Variants in CTNNA1 observed in about 807,000 individuals in gnomAD.
CTNNA1 encodes the protein catenin alpha-1.
A neutral mutation model predicts 98.4 loss-of-function variants in CTNNA1; 37 were observed. That is an observed-to-expected ratio of 0.38 (90% CI 0.29 to 0.49). CTNNA1 has a LOEUF of 0.49. Ranked by LOEUF, CTNNA1 falls within the 20% of genes least tolerant of loss-of-function variation. The pLI, the probability that CTNNA1 is intolerant of heterozygous loss-of-function variation, is 0.95. For missense variants in CTNNA1, 761 were observed against 1,147.2 expected (o/e 0.66, Z 4.86); for synonymous variants, 404 against 413.2 (o/e 0.98, Z 0.27).
At chr5:138,760,058 G>T (rs1172192238) in intron 1 of CTNNA1, among the ~76,000 whole-genome samples, 1 of 133,510 alleles carries the variant, frequency 7.5e-6, no homozygotes, top group Non-Finnish European at 1.5e-5. Context: ...GCAATGGCGC[G>T]ATCTTGGCTC....
At chr5:138,776,271 A>G (rs1486764149) in intron 1 of CTNNA1, among the ~76,000 whole-genome samples, 1 of 151,916 alleles carries the variant, frequency 6.6e-6, no homozygotes, top group Non-Finnish European at 1.5e-5. Context: ...GCCTTCAAGC[A>G]TCTGTTCAAC....
rs181631301 is a variant in CTNNA1 at position 138,823,172 on chromosome 5, G to A, written c.589-1358G>A. 1.7e-3 allele frequency among the ~76,000 whole-genome samples: 265 copies of A among 152,272 alleles called. 1 individual carries two copies. Among genetic ancestry groups the A allele is most frequent in the Non-Finnish European group, 2.8e-3 (190 of 68,008 alleles). On this transcript the variant is annotated intron_variant, in intron 5 of 17. Coordinates refer to ENST00000302763, the MANE Select transcript of CTNNA1 (RefSeq NM_001903.5). ...GTGGTGGTGATCCATTTTTACTAAAGCCTTTTTTTCCCTTCTGAGTATTGT... is the reference window on the plus strand; with the variant it reads ...GTGGTGGTGATCCATTTTTACTAAAACCTTTTTTTCCCTTCTGAGTATTGT...
chr5:138,906,741 A>G (rs1759339331), intron 10 of CTNNA1, among the ~76,000 whole-genome samples: 1 of 152,204 alleles, frequency 6.6e-6, no homozygotes, highest in Non-Finnish European at 1.5e-5. Flanking sequence ...GACAGTGCCC[A>G]GACCACACTT....
chr5:138,788,473 A>G (rs774643274), intron 3 of CTNNA1, among the ~76,000 whole-genome samples: 9 of 152,214 alleles, frequency 5.9e-5, no homozygotes, highest in South Asian at 2.1e-4. Context: ...CATTTAAAGT[A>G]TACAATGCAG....
intron 1 of CTNNA1, among the ~76,000 whole-genome samples, chr5:138,774,909 T>C (rs1580926771): frequency 6.6e-6 from 1 of 152,224 alleles, no homozygotes; most frequent in South Asian, 2.1e-4. Context: ...GCGCCCGTCC[T>C]GTGCCACCTT....
At position 138,925,279 on chromosome 5, in the gene CTNNA1, G is replaced by A. The variant is rs540697892; in HGVS notation, c.1771G>A (p.Val591Ile). 6 of 1,614,078 alleles carry A rather than the reference G, an allele frequency of 3.7e-6. No homozygotes were observed. The South Asian group carries it at 6.6e-5, about 18-fold the overall frequency. Residue 591 changes from valine (V) to isoleucine (I), a missense_variant, in exon 13 of 18, where the codon GTA becomes ATA. Around this residue, in one of 6 missense-constraint regions of CTNNA1, gnomAD observed 287 missense variants for 436.0 expected, o/e 0.66. Transcript: ENST00000302763. ...AGTCATGCCACGTTTTACTGAGCAA[G>A]TAGAAGCAGCCGTGGAAGCCCTCAG... Reference protein sequence around the residue: ...NTVMPRFTEQVEAAVEALSSD... With the variant: ...NTVMPRFTEQIEAAVEALSSD...
chr5:138,908,638 C>T (rs1278167683), intron 10 of CTNNA1, among the ~76,000 whole-genome samples: 1 of 152,036 alleles, frequency 6.6e-6, no homozygotes, highest in Non-Finnish European at 1.5e-5. Context: ...GCACTCCAGC[C>T]TGGGCGACAG....
At chr5:138,878,362 TA>T (rs1752125637) in intron 7 of CTNNA1, among the ~76,000 whole-genome samples, 1 of 152,244 alleles carries the variant, frequency 6.6e-6, no homozygotes, top group Non-Finnish European at 1.5e-5. Context: ...TTTCTTTAGC[TA>T]AAAGGGCTAC....
At chr5:138,863,289 G>T (rs1253301166) in intron 7 of CTNNA1, among the ~76,000 whole-genome samples, 2 of 152,018 alleles carry the variant, frequency 1.3e-5, no homozygotes, top group Non-Finnish European at 2.9e-5. Context: ...AGGCTGGAGG[G>T]TAGTGGTGTG....
chr5:138,848,484 C>T (rs1035932363), intron 7 of CTNNA1, among the ~76,000 whole-genome samples: 4 of 152,166 alleles, frequency 2.6e-5, no homozygotes, highest in Admixed American at 2.6e-4. Flanking sequence ...GCTTAGTTCT[C>T]TCTCTGCTCC....
At chr5:138,770,317 T>A (rs969088869) in intron 1 of CTNNA1, among the ~76,000 whole-genome samples, 3 of 152,176 alleles carry the variant, frequency 2.0e-5, no homozygotes, top group African/African-American at 7.2e-5. Flanking sequence ...ACTTCCTCTG[T>A]ATCCATTATC....
intron 3 of CTNNA1, among the ~76,000 whole-genome samples, chr5:138,793,885 A>C (rs1430379049): frequency 6.6e-6 from 1 of 152,116 alleles, no homozygotes; most frequent in Non-Finnish European, 1.5e-5. Flanking sequence ...GAAATTTCAA[A>C]GCTTCTTTCC....
At chr5:138,904,554 C>A in intron 10 of CTNNA1, 113 bp downstream of exon 10, 2 of 1,348,978 alleles carry the variant, frequency 1.5e-6, no homozygotes, top group South Asian at 1.5e-5. Flanking sequence ...AGATGGAAGT[C>A]TTGGGGACAG....
intron 10 of CTNNA1, among the ~76,000 whole-genome samples, chr5:138,911,484 T>A (rs570907833): frequency 6.6e-6 from 1 of 151,978 alleles, no homozygotes; most frequent in Admixed American, 6.5e-5. Flanking sequence ...ATCATAAGTG[T>A]CCTTATATGA....
In CTNNA1 at chr5:138,872,910, T is replaced by C. The variant is rs887031316; in HGVS notation, c.1063-13302T>C. 4.9e-6 allele frequency: 4 copies of C among 809,606 alleles called. No individual in the cohort carries two copies. The Admixed American group carries it at 8.4e-5, about 17-fold the overall frequency. The allele number at this position is 809,606 out of a possible 1,614,324, so 50.2% of individuals were successfully genotyped here. A position where few individuals can be genotyped will look rare whatever the true frequency, so the allele number is the denominator to read the frequency against. ...TAAGTCTCCACTTAGTTTGGAAAAT[T>C]AGGCTTAATGTCACCATTGGTAAAA... On this transcript the variant is annotated intron_variant, in intron 7 of 17. Transcript: ENST00000302763.
chr5:138,785,686 AAGT>A (rs1479747712), intron 3 of CTNNA1, among the ~76,000 whole-genome samples: 1 of 152,062 alleles, frequency 6.6e-6, no homozygotes, highest in African/African-American at 2.4e-5. Context: ...TCAGCTTCCC[AAGT>A]AGCTGGGATT....
At chr5:138,880,478 A>T (rs763949299) in intron 7 of CTNNA1, among the ~76,000 whole-genome samples, 13 of 152,194 alleles carry the variant, frequency 8.5e-5, no homozygotes, top group Non-Finnish European at 1.6e-4. Context: ...TGAAATGTTT[A>T]TGGCAACCTC....
intron 11 of CTNNA1, among the ~76,000 whole-genome samples, chr5:138,918,826 G>A (rs1762329162): frequency 3.3e-5 from 5 of 152,148 alleles, no homozygotes. Flanking sequence ...GTTTTTGTAG[G>A]GCTGAAACTA....
chr5:138,774,628 CTTTT>C (rs1219039290), intron 1 of CTNNA1, among the ~76,000 whole-genome samples: 1 of 146,210 alleles, frequency 6.8e-6, no homozygotes, highest in East Asian at 2.0e-4. Flanking sequence ...GTTGTGCCAC[CTTTT>C]TTTTTTTGAG....
Sources: gnomAD v4.1 joint callset for allele counts (sites outside exome capture counted in the v4.1 genomes callset) on GRCh38, gnomAD v4.1.1 for gene constraint, gnomAD v4.1.1 regional missense constraint, MANE v1.5 for transcripts, NCBI Gene and HGNC (gene_info 2026-07-23, HGNC 2026-07-21) for gene names.